The following KLF12 variants were observed in gnomAD, a reference collection of about 807,000 sequenced individuals.
The protein encoded by KLF12 is KLF transcription factor 12, also known as Krueppel-like factor 12.
A neutral mutation model predicts 37.8 loss-of-function variants in KLF12; 9 were observed. That is an observed-to-expected ratio of 0.24 (90% CI 0.14 to 0.42). The LOEUF is 0.42. Ranked by LOEUF, KLF12 falls within the 10% of genes least tolerant of loss-of-function variation. The probability of loss-of-function intolerance (pLI) is 1.00; values close to 1 mark genes in which losing one functional copy is unlikely to be tolerated. For missense variants in KLF12, 411 were observed against 516.0 expected, an observed-to-expected ratio of 0.80 and a Z score of 1.97; for synonymous variants, 208 against 202.1, an observed-to-expected ratio of 1.03 and a Z score of -0.25.
chr13:73,738,124 T>TATATATATATATATATACACAC (rs1305200790), intron 6 of KLF12, among the ~76,000 whole-genome samples: 2 of 81,930 alleles, frequency 2.4e-5, no homozygotes, highest in Non-Finnish European at 4.3e-5. Flanking sequence ...TATATATATA[T>TATATATATATATATATACACAC]ACACACACAC....
At chr13:73,991,950 G>A (rs1891981187) in intron 2 of KLF12, among the ~76,000 whole-genome samples, 1 of 152,188 alleles carries the variant, frequency 6.6e-6, no homozygotes, top group African/African-American at 2.4e-5. Context: ...GCATGAAATC[G>A]CTCACAGAAA....
At chr13:73,767,269 G>A (rs1447507281) in intron 5 of KLF12, among the ~76,000 whole-genome samples, 1 of 152,118 alleles carries the variant, frequency 6.6e-6, no homozygotes, top group Non-Finnish European at 1.5e-5. Context: ...AGGTAGCAAC[G>A]TCAAAACCTC....
chr13:74,126,260 G>A (rs1271215871), intron 1 of KLF12, among the ~76,000 whole-genome samples: 1 of 152,012 alleles, frequency 6.6e-6, no homozygotes, highest in Non-Finnish European at 1.5e-5. Flanking sequence ...AATAAAGGAT[G>A]GAATCTAATA....
At position 73,995,011 on chromosome 13, in the gene KLF12, A is replaced by T; in HGVS notation, c.12T>A (p.His4Gln). 6.2e-7 allele frequency: 1 copy of T among 1,605,748 alleles called. No individual in the cohort carries two copies. Among genetic ancestry groups the T allele is most frequent in the Non-Finnish European group, 8.5e-7 (1 of 1,173,960 alleles). ...CAACCTTTATTGTTTTTCTCTTCAT[A>T]TGGATATTCATTCATCCATTTGTTC... Residue 4 changes from histidine to glutamine, a missense_variant, in exon 2 of 8, where the codon CAT becomes CAA. His to Gln is a conservative substitution (Grantham distance 24). Transcript: ENST00000377669.
At chr13:73,936,159 T>C (rs913311754) in intron 3 of KLF12, among the ~76,000 whole-genome samples, 1 of 152,218 alleles carries the variant, frequency 6.6e-6, no homozygotes, top group African/African-American at 2.4e-5. Context: ...TTTGTACATC[T>C]GGTAATTTTG....
intron 2 of KLF12, among the ~76,000 whole-genome samples, chr13:73,977,065 T>G (rs1354639992): frequency 6.6e-6 from 1 of 151,930 alleles, no homozygotes; most frequent in Non-Finnish European, 1.5e-5. Flanking sequence ...TTTTTTTTTT[T>G]TTTGAGACAG....
the KLF12 span, among the ~76,000 whole-genome samples, chr13:74,227,759 A>T: frequency 6.6e-6 from 1 of 152,116 alleles, no homozygotes; most frequent in Non-Finnish European, 1.5e-5. Context: ...GATAACAAAA[A>T]CCTAGTTTTA....
intron 2 of KLF12, among the ~76,000 whole-genome samples, chr13:73,994,647 A>G (rs1360011754): frequency 3.9e-5 from 6 of 152,214 alleles, no homozygotes; most frequent in African/African-American, 1.2e-4. Context: ...AAACTGATGT[A>G]TATTAAAAAA....
chr13:74,271,921 C>T, the KLF12 span, among the ~76,000 whole-genome samples: 1 of 152,180 alleles, frequency 6.6e-6, no homozygotes, highest in Non-Finnish European at 1.5e-5. Context: ...AGAACTCATG[C>T]CAGTGGAGTC....
chr13:73,698,424 T>C (rs527521115), intron 7 of KLF12, among the ~76,000 whole-genome samples: 1 of 152,276 alleles, frequency 6.6e-6, no homozygotes, highest in Admixed American at 6.5e-5. Context: ...GTACTTCCAA[T>C]TGAGTCACTT....
intron 3 of KLF12, among the ~76,000 whole-genome samples, chr13:73,878,621 T>C (rs550882553): frequency 2.6e-5 from 4 of 152,294 alleles, no homozygotes; most frequent in African/African-American, 9.6e-5. Context: ...ACATAAGATA[T>C]AATTTCCTAA....
intron 3 of KLF12, among the ~76,000 whole-genome samples, chr13:73,881,298 C>T (rs1197605286): frequency 6.6e-6 from 1 of 151,882 alleles, no homozygotes; most frequent in Non-Finnish European, 1.5e-5. Context: ...AACATTTTTT[C>T]TTTTAAATTT....
the KLF12 span, among the ~76,000 whole-genome samples, chr13:74,248,458 A>T: frequency 6.6e-6 from 1 of 152,354 alleles, no homozygotes; most frequent in East Asian, 1.9e-4. Flanking sequence ...ATATGTTTCC[A>T]GGAAGAATAA....
At chr13:73,789,550 C>T (rs922055474) in intron 5 of KLF12, among the ~76,000 whole-genome samples, 2 of 152,120 alleles carry the variant, frequency 1.3e-5, no homozygotes, top group Admixed American at 6.5e-5. Context: ...CTCCAGCTCA[C>T]AGAGTGAGAT....
chr13:74,215,799 G>A, the KLF12 span, among the ~76,000 whole-genome samples: 1 of 152,206 alleles, frequency 6.6e-6, no homozygotes, highest in Non-Finnish European at 1.5e-5. Context: ...TGGAATTGAG[G>A]AACACAGAAA....
intron 1 of KLF12, among the ~76,000 whole-genome samples, chr13:74,027,923 C>A (rs1379396164): frequency 6.6e-6 from 1 of 152,104 alleles, no homozygotes; most frequent in South Asian, 2.1e-4. Flanking sequence ...ATCACGATTA[C>A]CCACTTTAAT....
In KLF12 at chr13:73,765,067, G is replaced by A. The variant is rs201464432; in HGVS notation, c.807-67C>T. On this transcript the variant is annotated intron_variant, in intron 5 of 7. Coordinates refer to ENST00000377669, the MANE Select transcript of KLF12 (RefSeq NM_007249.5). ...TTCCCAATTGCAAATTTAAAAAAAT[G>A]GCATGTTTTATAAATAATTTCTTTT... The A allele has an allele frequency of 1.3e-5, 12 of 920,620 alleles. No individual in the cohort carries two copies. In the East Asian group the frequency reaches 2.9e-4, roughly 22 times the overall value. The allele number at this position is 920,620 out of a possible 1,614,324, so 57.0% of individuals were successfully genotyped here. A position where few individuals can be genotyped will look rare whatever the true frequency, so the allele number is the denominator to read the frequency against.
chr13:73,766,915 T>C (rs1184405341), intron 5 of KLF12, among the ~76,000 whole-genome samples: 1 of 152,148 alleles, frequency 6.6e-6, no homozygotes, highest in Admixed American at 6.5e-5. Flanking sequence ...GATCAAATAC[T>C]GCAAATGGAG....
chr13:73,771,507 A>G (rs1351780424), intron 5 of KLF12, among the ~76,000 whole-genome samples: 1 of 139,186 alleles, frequency 7.2e-6, no homozygotes, highest in Non-Finnish European at 1.6e-5. Context: ...ATGAGTATAG[A>G]AAAATATAAA....
Sources: allele counts gnomAD v4.1 joint callset (sites outside exome capture counted in the v4.1 genomes callset), GRCh38; gene constraint gnomAD v4.1.1; transcripts MANE v1.5; gene names NCBI Gene and HGNC (gene_info 2026-07-23, HGNC 2026-07-21).